CR1L: variants seen among roughly 807,000 people sequenced by gnomAD.
CR1L encodes complement C3b/C4b receptor 1 like.
A neutral mutation model predicts 62.3 loss-of-function variants in CR1L; 59 were observed. The ratio of observed to expected loss-of-function variants is 0.95; its 90% CI spans 0.77 to 1.18. The LOEUF is 1.18. Ranked by LOEUF, CR1L falls within the 50% of genes most tolerant of loss-of-function variation. The pLI is 0.00. For synonymous variants in CR1L, 279 were observed against 248.7 expected (o/e 1.12, Z -1.15); for missense variants, 700 against 702.8 (o/e 1.00, Z 0.04).
intron 1 of CR1L, chr1:207,659,161 C>G (rs1663367221): frequency 6.6e-6 from 1 of 152,394 alleles, no homozygotes; most frequent in African/African-American, 2.4e-5. Context: ...TGCCACAGTG[C>G]TGGCCAGACA....
At chr1:207,706,592 T>C (rs1664271538) in intron 9 of CR1L, among the ~76,000 whole-genome samples, 1 of 151,986 alleles carries the variant, frequency 6.6e-6, no homozygotes, top group African/African-American at 2.4e-5. Flanking sequence ...AATGTGAAAA[T>C]GTAATACCCG....
chr1:207,674,848 G>A (rs550900218), intron 1 of CR1L, among the ~76,000 whole-genome samples: 7 of 150,458 alleles, frequency 4.7e-5, no homozygotes, highest in Middle Eastern at 3.4e-3. Context: ...GAAAGTCACG[G>A]AACTGTTTTA....
intron 1 of CR1L, among the ~76,000 whole-genome samples, chr1:207,675,842 G>C (rs1663681552): frequency 6.6e-6 from 1 of 152,188 alleles, no homozygotes; most frequent in Non-Finnish European, 1.5e-5. Flanking sequence ...GGGCCTAGCT[G>C]AGTCTACTAT....
chr1:207,661,976 C>T (rs1663431838), intron 1 of CR1L, among the ~76,000 whole-genome samples: 1 of 152,236 alleles, frequency 6.6e-6, no homozygotes, highest in Non-Finnish European at 1.5e-5. Context: ...TATTGGCCCT[C>T]ACTCTCTTCT....
At chr1:207,706,484 A>C (rs1664269762) in intron 9 of CR1L, among the ~76,000 whole-genome samples, 1 of 152,156 alleles carries the variant, frequency 6.6e-6, no homozygotes, top group Non-Finnish European at 1.5e-5. Flanking sequence ...GTATTAAAAA[A>C]ATTCCAGAAG....
chr1:207,673,716 C>T (rs765503767), intron 1 of CR1L, among the ~76,000 whole-genome samples: 2 of 152,142 alleles, frequency 1.3e-5, no homozygotes, highest in South Asian at 2.1e-4. Context: ...TACTGCTATT[C>T]GGCAGGTAAA....
rs769902083 is a variant in CR1L at position 207,677,507 on chromosome 1, AC to A, written c.218del (p.Pro73ArgfsTer7). ...AATGCCGCCCTGGTTATTCCGGAAG[AC>A]CGTTTTCTATCATCTGCCTAAAAAA... The part of the protein sequence containing the change: ...YECRPGYSGR[P>X]FSIICLKNSV... On this transcript the variant is annotated frameshift_variant, in exon 2 of 12. Coordinates refer to ENST00000508064, the MANE Select transcript of CR1L (RefSeq NM_175710.2). LOFTEE classifies it high-confidence loss of function. The A allele has an allele frequency of 3.1e-6, 5 of 1,613,892 alleles. No individual in the cohort carries two copies. Among genetic ancestry groups the A allele is most frequent in the Admixed American group, 1.7e-5 (1 of 60,010 alleles).
intron 3 of CR1L, among the ~76,000 whole-genome samples, chr1:207,679,783 G>A (rs1038282935): frequency 3.9e-5 from 6 of 152,148 alleles, no homozygotes; most frequent in African/African-American, 1.4e-4. Context: ...GAGCTATCAA[G>A]CCATGAAGAG....
chr1:207,663,433 C>G (rs1240553268), intron 1 of CR1L, among the ~76,000 whole-genome samples: 1 of 152,212 alleles, frequency 6.6e-6, no homozygotes, highest in Non-Finnish European at 1.5e-5. Flanking sequence ...GGGCGTAGGA[C>G]CCTCTGAGCC....
chr1:207,718,994 A>G (rs1255169759), intron 11 of CR1L, among the ~76,000 whole-genome samples: 1 of 149,182 alleles, frequency 6.7e-6, no homozygotes, highest in Non-Finnish European at 1.5e-5. Flanking sequence ...CATTCTCAGT[A>G]AACTATCACA....
At chr1:207,669,470 G>C in intron 1 of CR1L, 1 of 1,524,848 alleles carries the variant, frequency 6.6e-7, no homozygotes, top group African/African-American at 1.4e-5. Context: ...CCGAGAAGCC[G>C]GGAGCCTGTT....
At chr1:207,674,864 G>GTTT (rs1160342931) in intron 1 of CR1L, among the ~76,000 whole-genome samples, 14 of 148,750 alleles carry the variant, frequency 9.4e-5, no homozygotes, top group African/African-American at 3.4e-4. Context: ...TTTTATTCGT[G>GTTT]TTTTTTTTTT....
chr1:207,717,661 G>C lies in CR1L; in HGVS notation c.1612G>C (p.Ala538Pro), dbSNP rs1571539324. The change falls in exon 11 of 12, where the codon GCC becomes CCC. Residue 538 changes from alanine to proline, a missense_variant. By Grantham distance (27) the Ala-to-Pro change is conservative. Transcript: ENST00000508064. ...PHGNGVWSSP[A>P]PRCELPVGAG... is the part of the protein sequence containing the mutation. Reference sequence around the variant, plus strand: ...TGGGAATGGGGTTTGGAGCAGCCCTGCCCCTCGCTGTGAACTTCCTGTTGG... The same window carrying C: ...TGGGAATGGGGTTTGGAGCAGCCCTCCCCCTCGCTGTGAACTTCCTGTTGG... 12 of 1,613,994 alleles carry C rather than the reference G, an allele frequency of 7.4e-6. No homozygotes were observed. Among genetic ancestry groups the C allele is most frequent in the Non-Finnish European group, 1.0e-5 (12 of 1,179,886 alleles).
At chr1:207,657,856 A>G (rs959337391) in intron 1 of CR1L, among the ~76,000 whole-genome samples, 3 of 152,252 alleles carry the variant, frequency 2.0e-5, no homozygotes, top group Admixed American at 6.5e-5. Flanking sequence ...CCAAGTATGC[A>G]TGAAACATTC....
In CR1L at chr1:207,645,338, C is replaced by T. The variant is rs1558007739; in HGVS notation, c.97+8C>T. On this transcript the variant is annotated splice_region_variant and intron_variant, in intron 1 of 11. Transcript: ENST00000508064. The stretch of plus-strand genomic sequence containing the variant: ...TGCTGTCCTCCTTCTCCGGTAGGAC[C>T]CCGGGGTGGATTCGCGCGTCCGCGG... 7 of 1,613,612 alleles carry T rather than the reference C, an allele frequency of 4.3e-6. No homozygotes were observed. The highest frequency in any genetic ancestry group is 5.9e-6 in the Non-Finnish European group (7 of 1,179,616).
intron 1 of CR1L, chr1:207,658,789 G>C (rs1207915599): frequency 6.6e-6 from 1 of 152,328 alleles, no homozygotes; most frequent in African/African-American, 2.4e-5. Context: ...CCAGGTATCA[G>C]ACCTTTGCTG....
At chr1:207,661,275 G>C (rs1261139215) in intron 1 of CR1L, among the ~76,000 whole-genome samples, 1 of 152,194 alleles carries the variant, frequency 6.6e-6, no homozygotes, top group African/African-American at 2.4e-5. Context: ...TTGTGTGGGA[G>C]TCTAAGTCTC....
chr1:207,696,951 G>A (rs149466029), intron 5 of CR1L, among the ~76,000 whole-genome samples: 23 of 152,314 alleles, frequency 1.5e-4, no homozygotes, highest in East Asian at 1.9e-4. Flanking sequence ...TAGCATGAAG[G>A]GAGGAGACCC....
At chr1:207,678,096 G>A (rs917723462) in intron 2 of CR1L, 102 bp from the exon 3 acceptor site, 6 of 997,706 alleles carry the variant, frequency 6.0e-6, no homozygotes, top group African/African-American at 4.8e-5. Context: ...CATCAGAACT[G>A]CATGTGTTCC....
Sources: allele counts gnomAD v4.1 joint callset (sites outside exome capture counted in the v4.1 genomes callset), GRCh38; gene constraint gnomAD v4.1.1; transcripts MANE v1.5; gene names NCBI Gene and HGNC (gene_info 2026-07-23, HGNC 2026-07-21).